DYNC2H1: variants seen among roughly 807,000 people sequenced by gnomAD.
The protein encoded by DYNC2H1 is cytoplasmic dynein 2 heavy chain 1.
Under a neutral mutation model 570.0 loss-of-function variants are expected in DYNC2H1, and 410 were observed. That is an observed-to-expected ratio of 0.72 (90% confidence interval 0.66 to 0.78). DYNC2H1 has a LOEUF of 0.78. DYNC2H1 is among the 30% of genes least tolerant of loss of function. DYNC2H1 has a pLI of 0.00. For synonymous variants in DYNC2H1, 1,688 were observed against 1,677.6 expected, an observed-to-expected ratio of 1.01 and a Z score of -0.15; for missense variants, 4,865 against 5,046.4, an observed-to-expected ratio of 0.96 and a Z score of 1.09.
At chr11:103,114,913 T>G (rs1219812597) in intron 3 of DYNC2H1, among the ~76,000 whole-genome samples, 1 of 152,044 alleles carries the variant, frequency 6.6e-6, no homozygotes, top group Non-Finnish European at 1.5e-5. Flanking sequence ...AGACAGCAAT[T>G]TAGCACTTTT....
chr11:103,222,101 G>A lies in DYNC2H1; in HGVS notation c.9179G>A (p.Arg3060Lys), dbSNP rs1423305185. 6.2e-6 allele frequency: 10 copies of A among 1,605,566 alleles called. No homozygotes were observed. Among genetic ancestry groups the A allele is most frequent in the Non-Finnish European group, 8.5e-6 (10 of 1,174,590 alleles). Residue 3060 changes from arginine (R) to lysine (K), a missense_variant, in exon 58 of 89, where the codon AGA becomes AAA. Arg to Lys is a conservative substitution (Grantham distance 26). This residue lies in a region of DYNC2H1 where 2,401 missense variants were observed against 2,454.6 expected (regional missense o/e 0.98). Coordinates refer to ENST00000375735, the MANE Select transcript of DYNC2H1 (RefSeq NM_001377.3). ...GCCCGAAATATTTCAAAGGAAATAA[G>A]AGAGAGTGTTGAAGAACTTCTTTTT... The part of the protein sequence containing the change: ...FDARNISKEI[R>K]ESVEELLFKN...
chr11:103,156,081 A>G (rs1860804093), intron 25 of DYNC2H1, among the ~76,000 whole-genome samples: 1 of 152,064 alleles, frequency 6.6e-6, no homozygotes, highest in Admixed American at 6.6e-5. Context: ...AATAAACCAA[A>G]CTAGTTTTGT....
At chr11:103,400,615 A>G (rs149815084) in intron 84 of DYNC2H1, among the ~76,000 whole-genome samples, 4 of 152,088 alleles carry the variant, frequency 2.6e-5, no homozygotes, top group East Asian at 3.9e-4. Flanking sequence ...AGAAGTTGGT[A>G]TCTGGAAAAT....
rs138434836 is a variant in DYNC2H1, at chr11:103,456,278, A to C, written c.12570A>C (p.Ala4190=). Residue 4190 remains alanine (A), a synonymous_variant, in exon 87 of 89, where the codon GCA becomes GCC. Transcript: ENST00000375735. ...LNALRQETAR[A]VGRSVDSLKF... Reference sequence around the variant, plus strand: ...CTTTGATGCTTTACCTTTACAGGGCAGTGGGTCGTTCTGTGGATAGCCTTA... The same window carrying C: ...CTTTGATGCTTTACCTTTACAGGGCCGTGGGTCGTTCTGTGGATAGCCTTA... The C allele has an allele frequency of 1.4e-5, 22 of 1,607,920 alleles. No individual in the cohort carries two copies. The highest frequency in any genetic ancestry group is 1.9e-5 in the Non-Finnish European group (22 of 1,176,488).
At chr11:103,419,869 A>C (rs1051557116) in intron 84 of DYNC2H1, among the ~76,000 whole-genome samples, 1 of 152,180 alleles carries the variant, frequency 6.6e-6, no homozygotes, top group Non-Finnish European at 1.5e-5. Flanking sequence ...AATCCAATGC[A>C]AAGAAGCTAA....
chr11:103,428,196 T>TC (rs2135733965), intron 84 of DYNC2H1, among the ~76,000 whole-genome samples: 1 of 150,710 alleles, frequency 6.6e-6, no homozygotes, highest in East Asian at 2.0e-4. Context: ...TTTTTTTTTT[T>TC]TTTTCAGAAT....
At chr11:103,288,684 T>TAAAA (rs57040929) in intron 75 of DYNC2H1, among the ~76,000 whole-genome samples, 9 of 27,896 alleles carry the variant, frequency 3.2e-4, no homozygotes, top group East Asian at 1.3e-3. Flanking sequence ...CCGTCTCTAC[T>TAAAA]AAAAAAAAAA....
intron 17 of DYNC2H1, 108 bp from the exon 18 acceptor site, chr11:103,143,160 C>T: frequency 9.0e-7 from 1 of 1,106,800 alleles, no homozygotes; most frequent in South Asian, 1.7e-5. Context: ...ACTTGAATAC[C>T]TCATATTTTC....
intron 84 of DYNC2H1, chr11:103,405,652 G>C (rs1046673644): frequency 6.6e-6 from 1 of 152,008 alleles, no homozygotes; most frequent in African/African-American, 2.4e-5. Flanking sequence ...TAATACAAAT[G>C]CGTGGGTTGT....
chr11:103,153,353 A>G lies in DYNC2H1; in HGVS notation c.3147A>G (p.Gln1049=), dbSNP rs1261246476. ...NVKSRLQIYY[Q]ELEKFKARWD... is the part of the protein sequence containing the mutation. ...AATCACGTCTTCAGATCTATTATCA[A>G]GAACTGGAAAAATTTAAAGCTCGTT... is the stretch of plus-strand genomic sequence containing the variant. The change falls in exon 22 of 89, where the codon CAA becomes CAG. Residue 1049 remains glutamine, a synonymous_variant. Transcript: ENST00000375735. The G allele has an allele frequency of 6.5e-7, 1 of 1,547,414 alleles. No homozygotes were observed. Among genetic ancestry groups the G allele is most frequent in the Non-Finnish European group, 8.7e-7 (1 of 1,145,892 alleles).
intron 69 of DYNC2H1, 122 bp downstream of exon 69, chr11:103,257,873 A>C: frequency 1.9e-6 from 2 of 1,054,308 alleles, no homozygotes; most frequent in Non-Finnish European, 2.5e-6. Context: ...CCAAAAGACC[A>C]CATGTAACAC....
At chr11:103,464,446 T>C (rs1945129445) in intron 87 of DYNC2H1, among the ~76,000 whole-genome samples, 1 of 152,078 alleles carries the variant, frequency 6.6e-6, no homozygotes, top group Non-Finnish European at 1.5e-5. Flanking sequence ...AGAAGAGAAA[T>C]TTGAAAAACT....
At chr11:103,159,131 T>C (rs1860971918) in intron 28 of DYNC2H1, 104 bp downstream of exon 28, 3 of 811,036 alleles carry the variant, frequency 3.7e-6, no homozygotes, top group Admixed American at 2.7e-5. Context: ...AGTCAGTTCA[T>C]ATACCCAAAT....
chr11:103,387,416 A>T (rs1446893246), intron 83 of DYNC2H1, among the ~76,000 whole-genome samples: 1 of 152,134 alleles, frequency 6.6e-6, no homozygotes, highest in African/African-American at 2.4e-5. Flanking sequence ...TTGTCAGATG[A>T]GTAGATTGCA....
intron 83 of DYNC2H1, among the ~76,000 whole-genome samples, chr11:103,368,932 A>C (rs979694179): frequency 6.6e-6 from 1 of 151,846 alleles, no homozygotes; most frequent in African/African-American, 2.4e-5. Flanking sequence ...TCCACCAGTC[A>C]CCCTCCCCTC....
At chr11:103,235,193 G>A (rs1864174448) in intron 61 of DYNC2H1, among the ~76,000 whole-genome samples, 1 of 151,824 alleles carries the variant, frequency 6.6e-6, no homozygotes, top group Admixed American at 6.6e-5. Context: ...GCATGTCGTG[G>A]AAAACCTTTC....
chr11:103,114,358 G>C, intron 3 of DYNC2H1, 120 bp downstream of exon 3: 1 of 1,183,698 alleles, frequency 8.4e-7, no homozygotes, highest in Non-Finnish European at 1.1e-6. Flanking sequence ...CTGAGCATAG[G>C]TTTTAAAAAA....
At position 103,261,804 on chromosome 11, in the gene DYNC2H1, C is replaced by G. The variant is rs1358878389; in HGVS notation, c.10695+1827C>G. Among the ~76,000 whole-genome samples, 1 of 152,146 alleles carries G rather than the reference C, an allele frequency of 6.6e-6. No individual in the cohort carries two copies. The highest frequency in any genetic ancestry group is 1.9e-4 in the East Asian group (1 of 5,192). ...GAATGCCTCTTTTTCTCCAAAGGAT[C>G]ACAACTCCTTGCCAGCAAGGGAACA... On this transcript the variant is annotated intron_variant, in intron 70 of 88. Coordinates refer to ENST00000375735, the MANE Select transcript of DYNC2H1 (RefSeq NM_001377.3). This position sits in a 1 kb window ranked among gnomAD's most constrained non-coding sequence, Gnocchi z 4.8.
rs662662 is a variant in DYNC2H1 at position 103,205,987 on chromosome 11, A to G, written c.8454+1023A>G. ...CTTTCGAACAGAAATATTCTGACTC[A>G]TTTTTTAATGGGATTACTGTAGTTT... On this transcript the variant is annotated intron_variant, in intron 52 of 88. Transcript: ENST00000375735. The surrounding 1 kb of genome is among the most constrained non-coding windows in gnomAD (Gnocchi z 4.5). 0.84 allele frequency among the ~76,000 whole-genome samples: 128,435 copies of G among 152,148 alleles called. 55,417 individuals are homozygous for G. Among genetic ancestry groups the G allele is most frequent in the Non-Finnish European group, 0.92 (62,872 of 68,028 alleles).
Sources: allele counts gnomAD v4.1 joint callset (sites outside exome capture counted in the v4.1 genomes callset), GRCh38; gene constraint gnomAD v4.1.1; regional missense constraint gnomAD v4.1.1; non-coding constraint Gnocchi (gnomAD v3.1); transcripts MANE v1.5; gene names NCBI Gene and HGNC (gene_info 2026-07-23, HGNC 2026-07-21).